MTHFD1L: variants seen among roughly 807,000 people sequenced by gnomAD.
MTHFD1L encodes methylenetetrahydrofolate dehydrogenase (NADP+ dependent) 1 like, also known as monofunctional C1-tetrahydrofolate synthase, mitochondrial.
A neutral mutation model predicts 119.5 loss-of-function variants in MTHFD1L; 81 were observed. The ratio of observed to expected loss-of-function variants is 0.68; its 90% confidence interval spans 0.57 to 0.82. The LOEUF is 0.82. Ranked by LOEUF, MTHFD1L falls within the 40% of genes least tolerant of loss-of-function variation. The pLI, the probability that MTHFD1L is intolerant of heterozygous loss-of-function variation, is 0.00. For synonymous variants in MTHFD1L, 430 were observed against 475.2 expected, an observed-to-expected ratio of 0.90 and a Z score of 1.24; for missense variants, 1,125 against 1,253.4, an observed-to-expected ratio of 0.90 and a Z score of 1.55.
chr6:150,936,696 G>A (rs1792118108), intron 11 of MTHFD1L, 108 bp from the exon 12 acceptor site: 2 of 1,292,148 alleles, frequency 1.5e-6, no homozygotes, highest in African/African-American at 1.5e-5. Flanking sequence ...AAATTATGGA[G>A]TGCATTTTGA....
Position 150,956,069 on chromosome 6 carries a change from C to T in MTHFD1L, c.1801C>T (p.Gln601Ter), listed in dbSNP as rs189412854. The T allele has an allele frequency of 1.2e-6, 2 of 1,613,624 alleles. No homozygotes were observed. Among genetic ancestry groups the T allele is most frequent in the African/African-American group, 1.3e-5 (1 of 75,036 alleles). ...QGNTEKGHYRQAQFDIAVASE... is the reference protein window; with the variant it reads ...QGNTEKGHYR ...AAACACAGAGAAGGGCCATTACCGG[C>T]AGGTAGGTGGTGCTTTCTTCCCGGG... is the stretch of plus-strand genomic sequence containing the variant. The change falls in exon 17 of 28, where the codon CAG (glutamine) becomes TAG (stop). Residue 601 changes from glutamine to a stop codon, truncating the protein, a stop_gained and splice_region_variant. Transcript: ENST00000367321. LOFTEE classifies it high-confidence loss of function.
At chr6:150,905,322 A>G (rs939870852) in intron 7 of MTHFD1L, among the ~76,000 whole-genome samples, 2 of 152,076 alleles carry the variant, frequency 1.3e-5, no homozygotes, top group South Asian at 4.1e-4. Flanking sequence ...GTGAGCCACT[A>G]TGCCCGGCTG....
intron 8 of MTHFD1L, among the ~76,000 whole-genome samples, chr6:150,910,737 G>A (rs1786743936): frequency 6.6e-6 from 1 of 152,066 alleles, no homozygotes; most frequent in South Asian, 2.1e-4. Flanking sequence ...GATGGTAGCT[G>A]CCAATAAATG....
intron 27 of MTHFD1L, among the ~76,000 whole-genome samples, chr6:151,097,214 CAA>C (rs967366208): frequency 1.3e-5 from 2 of 152,190 alleles, no homozygotes; most frequent in Admixed American, 1.3e-4. Flanking sequence ...TTGTACTGTG[CAA>C]AGTTACGTTG....
intron 26 of MTHFD1L, among the ~76,000 whole-genome samples, chr6:151,064,412 C>T (rs986849407): frequency 3.3e-5 from 5 of 151,758 alleles, no homozygotes; most frequent in African/African-American, 7.3e-5. Flanking sequence ...CCCCCGGATT[C>T]GAGTGATTCT....
intron 17 of MTHFD1L, 79 bp downstream of exon 17, chr6:150,956,150 T>A: frequency 7.1e-7 from 1 of 1,398,906 alleles, no homozygotes; most frequent in Admixed American, 1.7e-5. Flanking sequence ...TCTTTGCCTT[T>A]CTTGTCTCAT....
At chr6:150,956,601 G>A (rs554505793) in intron 17 of MTHFD1L, among the ~76,000 whole-genome samples, 6 of 152,252 alleles carry the variant, frequency 3.9e-5, no homozygotes, top group South Asian at 2.1e-4. Flanking sequence ...TTGGATGTGC[G>A]TCAATGGCAC....
intron 26 of MTHFD1L, among the ~76,000 whole-genome samples, chr6:151,089,843 G>A (rs562384098): frequency 6.6e-6 from 1 of 152,328 alleles, no homozygotes; most frequent in Non-Finnish European, 1.5e-5. Flanking sequence ...TTACCTTCCT[G>A]CTGGGAACCT....
intron 20 of MTHFD1L, among the ~76,000 whole-genome samples, chr6:150,984,706 A>T (rs1375506579): frequency 2.0e-5 from 3 of 152,222 alleles, no homozygotes; most frequent in African/African-American, 7.2e-5. Context: ...TCATAAAATT[A>T]AAAATGTTTT....
intron 18 of MTHFD1L, among the ~76,000 whole-genome samples, chr6:150,964,421 C>T (rs1796900370): frequency 6.6e-6 from 1 of 152,068 alleles, no homozygotes; most frequent in African/African-American, 2.4e-5. Flanking sequence ...TAGCGTGAAG[C>T]CTTTCACATC....
chr6:151,081,140 C>T (rs764600705), intron 26 of MTHFD1L, among the ~76,000 whole-genome samples: 6 of 152,150 alleles, frequency 3.9e-5, no homozygotes, highest in Non-Finnish European at 8.8e-5. Flanking sequence ...GAGTGGATCA[C>T]CTAAGAAACA....
At chr6:151,034,638 C>T (rs1160187329) in intron 25 of MTHFD1L, 38 bp downstream of exon 25, 1 of 1,328,866 alleles carries the variant, frequency 7.5e-7, no homozygotes, top group Non-Finnish European at 1.1e-6. Context: ...AAAAAATTCA[C>T]CTTAGGCTCT....
Position 150,926,650 on chromosome 6 carries a change from C to T in MTHFD1L, c.1256+355C>T, listed in dbSNP as rs915797871. On this transcript the variant is annotated intron_variant, in intron 11 of 27. Coordinates refer to ENST00000367321, the MANE Select transcript of MTHFD1L (RefSeq NM_015440.5). The surrounding 1 kb of genome is among the most constrained non-coding windows in gnomAD (Gnocchi z 4.3). ...TTTGAACTGAGCAGTTTGTTTTGTG[C>T]GTTCTACTTGAAATATTTTCGTGGA... 5.9e-5 allele frequency among the ~76,000 whole-genome samples: 9 copies of T among 152,188 alleles called. No individual in the cohort carries two copies. The highest frequency in any genetic ancestry group is 1.9e-4 in the East Asian group (1 of 5,186).
intron 24 of MTHFD1L, among the ~76,000 whole-genome samples, chr6:151,029,803 T>A (rs1007197951): frequency 2.0e-5 from 3 of 152,096 alleles, no homozygotes; most frequent in Admixed American, 1.3e-4. Context: ...ATAAAAAAAA[T>A]TTTTTTAAAT....
chr6:151,011,732 A>C (rs1782254774), intron 21 of MTHFD1L, among the ~76,000 whole-genome samples: 1 of 152,174 alleles, frequency 6.6e-6, no homozygotes, highest in Admixed American at 6.5e-5. Flanking sequence ...AACATGGAAC[A>C]GGGTTAGTAG....
intron 20 of MTHFD1L, among the ~76,000 whole-genome samples, chr6:150,992,372 A>T (rs543607261): frequency 1.5e-4 from 23 of 152,338 alleles, no homozygotes; most frequent in African/African-American, 5.5e-4. Flanking sequence ...ATGTGTGCTT[A>T]TGTAGAAAAA....
chr6:150,880,223 A>G (rs1341627436), intron 4 of MTHFD1L, among the ~76,000 whole-genome samples: 1 of 152,162 alleles, frequency 6.6e-6, no homozygotes, highest in African/African-American at 2.4e-5. Flanking sequence ...GTGTAACTTT[A>G]TACCTACTGA....
intron 1 of MTHFD1L, among the ~76,000 whole-genome samples, chr6:150,872,988 A>G (rs1250273394): frequency 1.3e-5 from 2 of 151,926 alleles, no homozygotes; most frequent in Admixed American, 6.6e-5. Context: ...TTAAAAGTCT[A>G]ATTACTTTTT....
intron 24 of MTHFD1L, among the ~76,000 whole-genome samples, chr6:151,030,624 T>C (rs985258619): frequency 5.9e-5 from 9 of 152,252 alleles, no homozygotes; most frequent in Non-Finnish European, 1.3e-4. Context: ...CTAAGATTCA[T>C]GGAAAAAGTC....
Sources: gnomAD v4.1 joint callset for allele counts (sites outside exome capture counted in the v4.1 genomes callset) on GRCh38, gnomAD v4.1.1 for gene constraint, Gnocchi (gnomAD v3.1) non-coding constraint, MANE v1.5 for transcripts, NCBI Gene and HGNC (gene_info 2026-07-23, HGNC 2026-07-21) for gene names.